The following PROS1 variants were observed in gnomAD, a reference collection of about 807,000 sequenced individuals.
The protein encoded by PROS1 is protein S, also known as vitamin K-dependent protein S.
In PROS1, 29 loss-of-function variants were observed where a neutral mutation model predicts 75.9. The ratio of observed to expected loss-of-function variants is 0.38; its 90% confidence interval spans 0.28 to 0.52. The LOEUF is 0.52. Among genes scored for constraint, PROS1 ranks in the 20% least tolerant of loss-of-function variants. PROS1 has a pLI of 0.83. For missense variants in PROS1, 680 were observed against 810.3 expected, an observed-to-expected ratio of 0.84 and a Z score of 1.95; for synonymous variants, 245 against 280.6, an observed-to-expected ratio of 0.87 and a Z score of 1.27.
At chr3:93,906,426 A>G (rs1220313257) in intron 4 of PROS1, among the ~76,000 whole-genome samples, 2 of 152,190 alleles carry the variant, frequency 1.3e-5, no homozygotes, top group Admixed American at 1.3e-4. Context: ...CTCCCACTCC[A>G]CAGAGCAGAT....
chr3:93,950,576 T>A (rs752358580), intron 1 of PROS1, among the ~76,000 whole-genome samples: 2 of 152,208 alleles, frequency 1.3e-5, no homozygotes, highest in Non-Finnish European at 2.9e-5. Flanking sequence ...AAATAGGGCC[T>A]GGAGTGGACA....
At chr3:93,902,771 GAAGAA>G (rs1708616140) in intron 6 of PROS1, among the ~76,000 whole-genome samples, 1 of 151,736 alleles carries the variant, frequency 6.6e-6, no homozygotes, top group Non-Finnish European at 1.5e-5. Context: ...AGAAGAAGAA[GAAGAA>G]AAGAAAAGTT....
At chr3:93,969,491 T>C (rs187173751) in intron 1 of PROS1, among the ~76,000 whole-genome samples, 1 of 152,326 alleles carries the variant, frequency 6.6e-6, no homozygotes, top group Admixed American at 6.5e-5. Flanking sequence ...GCAATTCTAG[T>C]GAGCTGTCGA....
intron 6 of PROS1, among the ~76,000 whole-genome samples, chr3:93,905,253 C>T (rs1277651265): frequency 2.0e-5 from 3 of 152,172 alleles, no homozygotes; most frequent in South Asian, 4.1e-4. Flanking sequence ...TTGAAACATA[C>T]ACACAAGTGT....
chr3:93,943,078 G>C lies in PROS1; in HGVS notation c.77-15671C>G, dbSNP rs1255287175. 3.3e-5 allele frequency among the ~76,000 whole-genome samples: 5 copies of C among 152,116 alleles called. No homozygotes were observed. The East Asian group carries it at 9.6e-4, about 29-fold the overall frequency. ...AGTTTGGGCTTCCCACCTCTATACAGTCCAATAACGGACCGGCCTTTATTA... is the reference window on the plus strand; with the variant it reads ...AGTTTGGGCTTCCCACCTCTATACACTCCAATAACGGACCGGCCTTTATTA... On this transcript the variant is annotated intron_variant, in intron 1 of 14. Coordinates refer to ENST00000394236, the MANE Select transcript of PROS1 (RefSeq NM_000313.4).
At chr3:93,953,693 T>C (rs1273989788) in intron 1 of PROS1, among the ~76,000 whole-genome samples, 2 of 152,138 alleles carry the variant, frequency 1.3e-5, no homozygotes, top group East Asian at 1.9e-4. Flanking sequence ...CTCTCACCAC[T>C]TGTATTCAAA....
intron 1 of PROS1, among the ~76,000 whole-genome samples, chr3:93,961,641 C>T (rs188186934): frequency 4.1e-4 from 62 of 152,276 alleles, no homozygotes; most frequent in Non-Finnish European, 8.2e-4. Context: ...ATTGTGTTTT[C>T]CTAAGCTGTT....
At chr3:93,908,858 G>A (rs1418516926) in intron 4 of PROS1, among the ~76,000 whole-genome samples, 1 of 152,152 alleles carries the variant, frequency 6.6e-6, no homozygotes, top group African/African-American at 2.4e-5. Flanking sequence ...CTGTTTGGAA[G>A]AAGCAAAGAA....
intron 11 of PROS1, 46 bp from the exon 12 acceptor site, chr3:93,884,942 C>A (rs755269747): frequency 6.6e-7 from 1 of 1,522,942 alleles, no homozygotes; most frequent in South Asian, 1.2e-5. Context: ...TAAACTTAAA[C>A]AGTGGCTCGA....
chr3:93,893,370 G>T (rs1177684305), intron 9 of PROS1, among the ~76,000 whole-genome samples: 1 of 152,156 alleles, frequency 6.6e-6, no homozygotes, highest in Non-Finnish European at 1.5e-5. Context: ...CCAGGGAACA[G>T]ATGCTTTGGT....
At chr3:93,912,055 T>C (rs1337097130) in intron 3 of PROS1, among the ~76,000 whole-genome samples, 2 of 152,166 alleles carry the variant, frequency 1.3e-5, no homozygotes, top group Non-Finnish European at 2.9e-5. Context: ...ACCACAAATT[T>C]AGTAGCTTTA....
intron 12 of PROS1, among the ~76,000 whole-genome samples, chr3:93,880,320 G>A (rs1165699409): frequency 6.6e-6 from 1 of 152,046 alleles, no homozygotes; most frequent in Admixed American, 6.6e-5. Context: ...GCAACATGGT[G>A]AAACATCTCT....
At chr3:93,893,625 A>G (rs974495682) in intron 9 of PROS1, among the ~76,000 whole-genome samples, 1 of 152,220 alleles carries the variant, frequency 6.6e-6, no homozygotes, top group Non-Finnish European at 1.5e-5. Context: ...ATCAAAAGGC[A>G]TATTTTCCCT....
At chr3:93,958,265 T>A (rs1306783840) in intron 1 of PROS1, among the ~76,000 whole-genome samples, 1 of 152,238 alleles carries the variant, frequency 6.6e-6, no homozygotes, top group East Asian at 1.9e-4. Context: ...GGGTCAAGAC[T>A]TTTTTTCATC....
intron 9 of PROS1, among the ~76,000 whole-genome samples, 187 bp from the exon 10 acceptor site, chr3:93,893,309 C>T (rs528982050): frequency 3.9e-5 from 6 of 152,148 alleles, no homozygotes; most frequent in East Asian, 1.9e-4. Context: ...GTTCCATGTA[C>T]GTTTAAAATT....
rs1297781520 is a variant in PROS1, at chr3:93,917,682, C to A, written c.259+6558G>T. 2.3e-4 allele frequency among the ~76,000 whole-genome samples: 35 copies of A among 152,264 alleles called. No homozygotes were observed. The Middle Eastern group carries it at 0.024, about 104-fold the overall frequency. On this transcript the variant is annotated intron_variant, in intron 3 of 14. Coordinates refer to ENST00000394236, the MANE Select transcript of PROS1 (RefSeq NM_000313.4). The stretch of plus-strand genomic sequence containing the variant: ...GGGCTTGGCGGGCCGGCACTCGGAG[C>A]AGCCGGCCGGCCCTGCCAGCAGGGG...
rs972751215 is a variant in PROS1 at position 93,917,451 on chromosome 3, C to A, written c.260-6746G>T. Among the ~76,000 whole-genome samples the A allele has an allele frequency of 3.9e-5, 6 of 152,228 alleles. No individual in the cohort carries two copies. The East Asian group carries it at 9.6e-4, about 24-fold the overall frequency. On this transcript the variant is annotated intron_variant, in intron 3 of 14. Coordinates refer to ENST00000394236, the MANE Select transcript of PROS1 (RefSeq NM_000313.4). ...AGTAGCTGTGAGAGGTGACAGCGTG[C>A]TGGCAGCCCTTGCAGCCCTCGCTGC...
intron 3 of PROS1, chr3:93,911,160 C>A: frequency 5.4e-6 from 1 of 184,864 alleles, no homozygotes; most frequent in Non-Finnish European, 1.1e-5. Flanking sequence ...CTCATGTTGC[C>A]CTGAGATTAA....
chr3:93,939,983 C>G (rs1264507598), intron 1 of PROS1, among the ~76,000 whole-genome samples: 1 of 152,226 alleles, frequency 6.6e-6, no homozygotes, highest in Non-Finnish European at 1.5e-5. Flanking sequence ...TGAGAGAAAC[C>G]CCAGCCACAT....
Sources: gnomAD v4.1 joint callset for allele counts (sites outside exome capture counted in the v4.1 genomes callset) on GRCh38, gnomAD v4.1.1 for gene constraint, MANE v1.5 for transcripts, NCBI Gene and HGNC (gene_info 2026-07-23, HGNC 2026-07-21) for gene names.